The following SLC26A4 variants were observed in gnomAD, a reference collection of about 807,000 sequenced individuals.
SLC26A4 encodes pendrin.
In SLC26A4, 93 loss-of-function variants were observed where a neutral mutation model predicts 90.4. The observed-to-expected ratio is 1.03, with a 90% CI of 0.87 to 1.22. The LOEUF (loss-of-function observed/expected upper bound fraction) is 1.22. Ranked by LOEUF, SLC26A4 falls within the 50% of genes most tolerant of loss-of-function variation. The probability of loss-of-function intolerance (pLI) is 0.00; values close to 1 mark genes in which losing one functional copy is unlikely to be tolerated. For synonymous variants in SLC26A4, 393 were observed against 354.6 expected, an observed-to-expected ratio of 1.11 and a Z score of -1.22; for missense variants, 1,127 against 946.2, an observed-to-expected ratio of 1.19 and a Z score of -2.51.
chr7:107,679,980 CTTATTATATAATATAA>C (rs1562827019), intron 6 of SLC26A4, among the ~76,000 whole-genome samples: 48 of 131,362 alleles, frequency 3.7e-4, no homozygotes, highest in African/African-American at 1.0e-3. Flanking sequence ...ATAATATAAT[CTTATTATATAATATAA>C]TCTTATCTTA....
chr7:107,696,685 GC>G lies in SLC26A4; in HGVS notation c.1544+647del, dbSNP rs781644830. Reference sequence around the variant, plus strand: ...TTAGCTCATATGCAGAGTGAAGGCAGCAAAGACATGATTTAAATAATGGAAA... The same window carrying G: ...TTAGCTCATATGCAGAGTGAAGGCAGAAAGACATGATTTAAATAATGGAAA... On this transcript the variant is annotated intron_variant, in intron 13 of 20. Coordinates refer to ENST00000644269, the MANE Select transcript of SLC26A4 (RefSeq NM_000441.2). 7.2e-5 allele frequency among the ~76,000 whole-genome samples: 11 copies of G among 152,198 alleles called. No homozygotes were observed. In the East Asian group the frequency reaches 1.2e-3, roughly 16 times the overall value.
At chr7:107,667,852 C>T (rs866902678) in intron 3 of SLC26A4, among the ~76,000 whole-genome samples, 17 of 152,076 alleles carry the variant, frequency 1.1e-4, no homozygotes, top group Middle Eastern at 6.8e-3. Flanking sequence ...CAGATGCAGA[C>T]GGGTTTGAAA....
chr7:107,661,383 A>T lies in SLC26A4; in HGVS notation c.-3-256A>T. The T allele has an allele frequency of 5.2e-6, 3 of 581,882 alleles. No homozygotes were observed. Among genetic ancestry groups the T allele is most frequent in the Admixed American group, 3.0e-5 (1 of 33,442 alleles). 36.0% of individuals were successfully genotyped at this position (581,882 alleles called of 1,614,324 possible). On this transcript the variant is annotated intron_variant, in intron 1 of 20. Transcript: ENST00000644269. This position sits in a 1 kb window ranked among gnomAD's most constrained non-coding sequence, Gnocchi z 5.1. ...CCAGAGCAGGGGCTTACTCGCTTCA[A>T]GTTTGGGGAACCCCGGGCAGCGGGT...
intron 6 of SLC26A4, among the ~76,000 whole-genome samples, chr7:107,679,344 C>T (rs1242657796): frequency 6.6e-6 from 1 of 152,104 alleles, no homozygotes; most frequent in Non-Finnish European, 1.5e-5. Context: ...ATTAAAGTAA[C>T]ACTTTAAGGA....
chr7:107,676,249 G>A (rs1791020993), intron 6 of SLC26A4, among the ~76,000 whole-genome samples: 1 of 152,130 alleles, frequency 6.6e-6, no homozygotes, highest in South Asian at 2.1e-4. Flanking sequence ...ATAAGCACTT[G>A]GCCCAGGGGC....
intron 3 of SLC26A4, among the ~76,000 whole-genome samples, chr7:107,668,499 A>C (rs930065593): frequency 2.0e-5 from 3 of 152,202 alleles, no homozygotes; most frequent in Non-Finnish European, 4.4e-5. Flanking sequence ...TGCCACAACC[A>C]CTGGCTGAGC....
chr7:107,675,788 G>A (rs1211497592), intron 6 of SLC26A4, among the ~76,000 whole-genome samples: 2 of 151,740 alleles, frequency 1.3e-5, no homozygotes, highest in Admixed American at 6.6e-5. Context: ...GGGCCAGGCT[G>A]GTCTTGAACT....
chr7:107,701,047 T>C lies in SLC26A4; in HGVS notation c.1708-54T>C, dbSNP rs1791871252. 4 of 1,042,984 alleles carry C rather than the reference T, an allele frequency of 3.8e-6. No homozygotes were observed. In the Admixed American group the frequency reaches 6.8e-5, roughly 18 times the overall value. The allele number at this position is 1,042,984 out of a possible 1,614,324, so 64.6% of individuals were successfully genotyped here. On this transcript the variant is annotated intron_variant, in intron 15 of 20. Transcript: ENST00000644269. Reference sequence around the variant, plus strand: ...TAGCCTTTCCAGATAACAGTTGCCATTAATAAGCTTTAGGTGCCAGGCATT... The same window carrying C: ...TAGCCTTTCCAGATAACAGTTGCCACTAATAAGCTTTAGGTGCCAGGCATT...
At chr7:107,713,050 C>A (rs1792236327) in intron 20 of SLC26A4, among the ~76,000 whole-genome samples, 1 of 152,214 alleles carries the variant, frequency 6.6e-6, no homozygotes, top group African/African-American at 2.4e-5. Flanking sequence ...TAAAAACACA[C>A]TCTCCCCACC....
intron 8 of SLC26A4, among the ~76,000 whole-genome samples, chr7:107,687,386 C>T (rs147045097): frequency 1.4e-3 from 218 of 152,304 alleles, no homozygotes; most frequent in Middle Eastern, 3.4e-3. Flanking sequence ...TAGGGTTCAG[C>T]AAGACAGCAG....
rs1236067773 is a variant in SLC26A4 at position 107,717,386 on chromosome 7, AAAAAG to A, written c.*1942_*1946del. ...GTCTCAAAAAAAAAAAAAAAAAAAA[AAAAAG>A]AGTGAATGTAATAGTCTTGCAGAAA... On this transcript the variant is annotated 3_prime_UTR_variant, in exon 21 of 21. Transcript: ENST00000644269. 1.2e-3 allele frequency: 187 copies of A among 151,610 alleles called. No homozygotes were observed. The highest frequency in any genetic ancestry group is 4.1e-3 in the African/African-American group (169 of 41,256). 9.4% of individuals were successfully genotyped at this position (151,610 alleles called of 1,614,324 possible). A position where few individuals can be genotyped will look rare whatever the true frequency, so the allele number is the denominator to read the frequency against.
At position 107,710,115 on chromosome 7, in the gene SLC26A4, A is replaced by C. The variant is rs138361211; in HGVS notation, c.2151A>C (p.Thr717=). The C allele has an allele frequency of 5.0e-5, 81 of 1,610,196 alleles. No homozygotes were observed. The highest frequency in any genetic ancestry group is 6.8e-5 in the Non-Finnish European group (80 of 1,176,460). The change falls in exon 19 of 21, where the codon ACA becomes ACC. Residue 717 remains threonine, a synonymous_variant. Coordinates refer to ENST00000644269, the MANE Select transcript of SLC26A4 (RefSeq NM_000441.2). ...TTGACGACAACATTAGAAAGGACACATTCTTTTTGACGGTCCATGATGCTA... is the reference window on the plus strand; with the variant it reads ...TTGACGACAACATTAGAAAGGACACCTTCTTTTTGACGGTCCATGATGCTA... ...GFFDDNIRKD[T]FFLTVHDAIL...
intron 3 of SLC26A4, among the ~76,000 whole-genome samples, chr7:107,671,662 C>T (rs1013581673): frequency 1.3e-5 from 2 of 152,212 alleles, no homozygotes; most frequent in Non-Finnish European, 2.9e-5. Flanking sequence ...TCAGGACAGG[C>T]TGATCTGTTG....
chr7:107,685,772 T>C (rs534610720), intron 8 of SLC26A4, among the ~76,000 whole-genome samples: 5 of 152,342 alleles, frequency 3.3e-5, no homozygotes, highest in Admixed American at 3.3e-4. Flanking sequence ...CTCATGCAAC[T>C]GGTCCTTATC....
chr7:107,686,900 CT>C (rs1406460276), intron 8 of SLC26A4, among the ~76,000 whole-genome samples: 1 of 152,116 alleles, frequency 6.6e-6, no homozygotes, highest in African/African-American at 2.4e-5. Flanking sequence ...AAAGTATGTG[CT>C]TTGCAGTTGT....
rs111033318 is a variant in SLC26A4, at chr7:107,702,050, T to A, written c.2027T>A (p.Leu676Gln). 3 of 1,605,732 alleles carry A rather than the reference T, an allele frequency of 1.9e-6. No individual in the cohort carries two copies. The highest frequency in any genetic ancestry group is 2.2e-5 in the East Asian group (1 of 44,820). Residue 676 changes from leucine (L) to glutamine (Q), a missense_variant, in exon 17 of 21, where the codon CTG (leucine) becomes CAG (glutamine). Leu to Gln is a moderately radical substitution (Grantham distance 113). Transcript: ENST00000644269. ...CTGGACGTTGTTGGAGTGAGATCAC[T>A]GCGGGTGGTAAGGTTCTGGTTTTCT... ...SFLDVVGVRS[L>Q]RVIVKEFQRI...
Position 107,661,391 on chromosome 7 carries a change from G to A in SLC26A4, c.-3-248G>A, listed in dbSNP as rs1790544443. ...GGGGCTTACTCGCTTCAAGTTTGGGGAACCCCGGGCAGCGGGTGCAGGCCA... is the reference window on the plus strand; with the variant it reads ...GGGGCTTACTCGCTTCAAGTTTGGGAAACCCCGGGCAGCGGGTGCAGGCCA... On this transcript the variant is annotated intron_variant, in intron 1 of 20. Transcript: ENST00000644269. The surrounding 1 kb of genome is among the most constrained non-coding windows in gnomAD (Gnocchi z 5.1). 1 of 587,712 alleles carries A rather than the reference G, an allele frequency of 1.7e-6. No individual in the cohort carries two copies. Among genetic ancestry groups the A allele is most frequent in the Admixed American group, 3.0e-5 (1 of 33,620 alleles). 36.4% of individuals were successfully genotyped at this position (587,712 alleles called of 1,614,324 possible). A position where few individuals can be genotyped will look rare whatever the true frequency, so the allele number is the denominator to read the frequency against.
chr7:107,674,844 A>C, intron 5 of SLC26A4, 101 bp from the exon 6 acceptor site: 1 of 1,073,702 alleles, frequency 9.3e-7, no homozygotes, highest in Non-Finnish European at 1.4e-6. Context: ...TAGGCAGGCT[A>C]CTAGTGTTTT....
intron 3 of SLC26A4, among the ~76,000 whole-genome samples, chr7:107,671,544 A>G (rs1386187267): frequency 6.6e-6 from 1 of 152,216 alleles, no homozygotes; most frequent in Non-Finnish European, 1.5e-5. Flanking sequence ...AACTGAGTCC[A>G]TTCATTTGAG....
Sources: gnomAD v4.1 joint callset for allele counts (sites outside exome capture counted in the v4.1 genomes callset) on GRCh38, gnomAD v4.1.1 for gene constraint, Gnocchi (gnomAD v3.1) non-coding constraint, MANE v1.5 for transcripts, NCBI Gene and HGNC (gene_info 2026-07-23, HGNC 2026-07-21) for gene names.